The following GFRA1 variants were observed in gnomAD, a reference collection of about 807,000 sequenced individuals.
The protein encoded by GFRA1 is GDNF family receptor alpha 1.
GFRA1 carries 16 observed loss-of-function variants against 51.6 expected under a neutral mutation model. The ratio of observed to expected loss-of-function variants is 0.31; its 90% CI spans 0.21 to 0.47. The LOEUF (loss-of-function observed/expected upper bound fraction) is 0.47, where lower values mean the gene tolerates loss of function less well. Ranked by LOEUF, GFRA1 falls within the 20% of genes least tolerant of loss-of-function variation. The pLI, the probability that GFRA1 is intolerant of heterozygous loss-of-function variation, is 1.00. For missense variants in GFRA1, 530 were observed against 594.3 expected, an observed-to-expected ratio of 0.89 and a Z score of 1.13; for synonymous variants, 270 against 241.3, an observed-to-expected ratio of 1.12 and a Z score of -1.10.
chr10:116,254,824 A>C (rs890561906), intron 4 of GFRA1, among the ~76,000 whole-genome samples: 2 of 152,218 alleles, frequency 1.3e-5, no homozygotes, highest in African/African-American at 4.8e-5. Flanking sequence ...GAAAACCGCC[A>C]CATGACCAAC....
chr10:116,259,054 C>T (rs1205043225), intron 4 of GFRA1, among the ~76,000 whole-genome samples: 8 of 152,314 alleles, frequency 5.3e-5, no homozygotes, highest in East Asian at 1.9e-4. Context: ...TTATTCAAAA[C>T]GCGTAGTAAC....
chr10:116,064,573 C>A (rs746341456), intron 10 of GFRA1, 29 bp from the exon 11 acceptor site: 3 of 1,591,794 alleles, frequency 1.9e-6, no homozygotes, highest in Non-Finnish European at 2.6e-6. Context: ...TCATTATCAT[C>A]CACTGCATGT....
intron 5 of GFRA1, among the ~76,000 whole-genome samples, chr10:116,209,560 C>T (rs1050117170): frequency 6.6e-6 from 1 of 152,080 alleles, no homozygotes; most frequent in Non-Finnish European, 1.5e-5. Flanking sequence ...TGTGCATGGG[C>T]CCCAGACAAC....
At chr10:116,093,084 C>A (rs113594470) in intron 8 of GFRA1, among the ~76,000 whole-genome samples, 2,601 of 152,286 alleles carry the variant, frequency 0.017, 52 homozygotes, top group African/African-American at 0.047. Context: ...CAGGAGCCCC[C>A]TCCCTCCTCC....
rs1244446430 is a variant in GFRA1 at position 116,062,014 on chromosome 10, A to G, written c.*2384T>C. The stretch of plus-strand genomic sequence containing the variant: ...TAACTTGAATATGCTTTTATCACTG[A>G]AGAAAAATGAGATATTTGTTGGTGA... On this transcript the variant is annotated 3_prime_UTR_variant, in exon 11 of 11. Transcript: ENST00000355422. 2.5e-6 allele frequency: 1 copy of G among 398,484 alleles called. No individual in the cohort carries two copies. The highest frequency in any genetic ancestry group is 2.1e-5 in the African/African-American group (1 of 48,632). The allele number at this position is 398,484 out of a possible 1,614,324, so 24.7% of individuals were successfully genotyped here.
At chr10:116,115,618 G>A (rs867361959) in intron 6 of GFRA1, among the ~76,000 whole-genome samples, 8 of 152,150 alleles carry the variant, frequency 5.3e-5, no homozygotes, top group South Asian at 2.1e-4. Context: ...ACGCGAAGAT[G>A]AGACTGCTCT....
At chr10:116,077,467 T>C (rs2133820282) in intron 9 of GFRA1, among the ~76,000 whole-genome samples, 1 of 152,332 alleles carries the variant, frequency 6.6e-6, no homozygotes, top group South Asian at 2.1e-4. Flanking sequence ...CTCTCCTTCA[T>C]TTGAACAATT....
intron 5 of GFRA1, among the ~76,000 whole-genome samples, chr10:116,150,927 C>T (rs566807482): frequency 7.2e-5 from 11 of 151,734 alleles, no homozygotes; most frequent in African/African-American, 2.7e-4. Context: ...ATTTTCGCAT[C>T]GAAAATCAGT....
intron 5 of GFRA1, among the ~76,000 whole-genome samples, chr10:116,159,951 A>G (rs1959580533): frequency 6.6e-6 from 1 of 152,248 alleles, no homozygotes; most frequent in Non-Finnish European, 1.5e-5. Context: ...GGATTCCAAT[A>G]TACAGAGGTT....
chr10:116,241,396 G>A (rs1967364017), intron 4 of GFRA1, among the ~76,000 whole-genome samples: 1 of 152,170 alleles, frequency 6.6e-6, no homozygotes, highest in South Asian at 2.1e-4. Flanking sequence ...CAACTTCACA[G>A]TTCGTGTGCT....
intron 5 of GFRA1, among the ~76,000 whole-genome samples, chr10:116,162,384 G>A (rs1307619532): frequency 6.6e-6 from 1 of 152,204 alleles, no homozygotes; most frequent in Non-Finnish European, 1.5e-5. Context: ...CATGTTAATG[G>A]TGGTCATGGG....
intron 4 of GFRA1, among the ~76,000 whole-genome samples, chr10:116,218,173 T>C (rs1965688384): frequency 6.6e-6 from 1 of 152,198 alleles, no homozygotes; most frequent in Non-Finnish European, 1.5e-5. Context: ...ACCCAAGGCC[T>C]GACCTTTGTT....
chr10:116,260,964 C>T (rs1293376771), intron 4 of GFRA1, among the ~76,000 whole-genome samples: 4 of 152,156 alleles, frequency 2.6e-5, no homozygotes, highest in Non-Finnish European at 4.4e-5. Flanking sequence ...TCCTTACAGA[C>T]AACCCTGAAG....
chr10:116,082,541 T>C (rs1461048426), intron 9 of GFRA1, among the ~76,000 whole-genome samples: 1 of 151,938 alleles, frequency 6.6e-6, no homozygotes, highest in Non-Finnish European at 1.5e-5. Context: ...AGCGTAATGG[T>C]GCGATCTTGG....
In GFRA1 at chr10:116,156,631, C is replaced by T. The variant is rs562687761; in HGVS notation, c.434-31074G>A. Reference sequence around the variant, plus strand: ...GTTGTTTACAAAATAGCCTGATAATCTGATTCCAATTAAATGGTGAAGATC... The same window carrying T: ...GTTGTTTACAAAATAGCCTGATAATTTGATTCCAATTAAATGGTGAAGATC... On this transcript the variant is annotated intron_variant, in intron 5 of 10. Transcript: ENST00000355422. Among the ~76,000 whole-genome samples the T allele has an allele frequency of 2.0e-5, 3 of 152,194 alleles. No individual in the cohort carries two copies. The East Asian group carries it at 5.8e-4, about 29-fold the overall frequency.
intron 5 of GFRA1, among the ~76,000 whole-genome samples, chr10:116,127,504 G>T (rs1344473566): frequency 6.6e-6 from 1 of 152,176 alleles, no homozygotes; most frequent in African/African-American, 2.4e-5. Flanking sequence ...GCTGTAGAAG[G>T]CAATAAGCAA....
chr10:116,258,417 A>T (rs2420267), intron 4 of GFRA1, among the ~76,000 whole-genome samples: 41 of 104,830 alleles, frequency 3.9e-4, no homozygotes, highest in African/African-American at 1.2e-3. Context: ...TTATATTAAT[A>T]AAATAAATAT....
chr10:116,096,424 T>C (rs1956577556), intron 7 of GFRA1, among the ~76,000 whole-genome samples: 2 of 152,140 alleles, frequency 1.3e-5, no homozygotes, highest in African/African-American at 4.8e-5. Context: ...CCCCACTCCT[T>C]AGTAATCCCC....
At chr10:116,251,370 C>A (rs1205627936) in intron 4 of GFRA1, among the ~76,000 whole-genome samples, 2 of 152,190 alleles carry the variant, frequency 1.3e-5, no homozygotes, top group African/African-American at 2.4e-5. Context: ...TCCACCATAG[C>A]ACAGCAGTTT....
Sources: allele counts gnomAD v4.1 joint callset (sites outside exome capture counted in the v4.1 genomes callset), GRCh38; gene constraint gnomAD v4.1.1; transcripts MANE v1.5; gene names NCBI Gene and HGNC (gene_info 2026-07-23, HGNC 2026-07-21).